The following HOOK2 variants were observed in gnomAD, a reference collection of about 807,000 sequenced individuals.
The protein encoded by HOOK2 is protein Hook homolog 2.
Under a neutral mutation model 111.9 loss-of-function variants are expected in HOOK2, and 108 were observed. That is an observed-to-expected ratio of 0.96 (90% CI 0.83 to 1.13). The LOEUF (loss-of-function observed/expected upper bound fraction) is 1.13, where lower values mean the gene tolerates loss of function less well. Among genes scored for constraint, HOOK2 ranks in the 50% most tolerant of loss-of-function variants. The pLI is 0.00. For synonymous variants in HOOK2, 405 were observed against 394.3 expected (o/e 1.03, Z -0.32); for missense variants, 978 against 951.3 (o/e 1.03, Z -0.37).
intron 18 of HOOK2, 76 bp downstream of exon 18, chr19:12,765,614 T>C: frequency 6.5e-7 from 1 of 1,538,288 alleles, no homozygotes; most frequent in South Asian, 1.1e-5. Context: ...CCAGGCATGG[T>C]GGCACATGCC....
intron 3 of HOOK2, among the ~76,000 whole-genome samples, chr19:12,789,087 C>T (rs1250841414): frequency 1.3e-5 from 2 of 152,102 alleles, no homozygotes; most frequent in East Asian, 1.9e-4. Flanking sequence ...CCCGGAATGG[C>T]TGTTTAACCC....
upstream of HOOK2, among the ~76,000 whole-genome samples, chr19:12,781,095 G>A (rs1287478724): frequency 6.7e-6 from 1 of 148,618 alleles, no homozygotes; most frequent in Non-Finnish European, 1.5e-5. Context: ...GAGTTCAGGA[G>A]ATCGAGACCA....
Position 12,764,879 on chromosome 19 carries a change from T to C in HOOK2, c.1762A>G (p.Lys588Glu). Residue 588 changes from lysine (K) to glutamate (E), a missense_variant, in exon 20 of 23, where the codon AAG (lysine) becomes GAG (glutamate). This residue lies in a region of HOOK2 where 277 missense variants were observed against 265.8 expected (regional missense o/e 1.04). Coordinates refer to ENST00000397668, the MANE Select transcript of HOOK2 (RefSeq NM_013312.3). ...ATGGCCCGCAAGTCCGCGTCCTTCT[T>C]CTGCAAGTTATGCTGCAGCTCCTCG... The part of the protein sequence containing the change: ...RIEELQHNLQ[K>E]KDADLRAMEE... The C allele has an allele frequency of 6.2e-7, 1 of 1,614,140 alleles. No individual in the cohort carries two copies. Among genetic ancestry groups the C allele is most frequent in the South Asian group, 1.1e-5 (1 of 91,082 alleles).
intron 17 of HOOK2, 43 bp downstream of exon 17, chr19:12,765,786 A>C (rs1446732209): frequency 1.2e-6 from 2 of 1,613,938 alleles, no homozygotes; most frequent in African/African-American, 2.7e-5. Flanking sequence ...CTTCCTTCCC[A>C]GGGTGAGGGT....
intron 10 of HOOK2, 97 bp from the exon 11 acceptor site, chr19:12,770,179 T>C (rs1968275852): frequency 2.7e-6 from 3 of 1,121,276 alleles, no homozygotes; most frequent in African/African-American, 3.3e-5. Context: ...TTGTTCAGCC[T>C]GAGGCTTTTG....
At chr19:12,789,989 C>T (rs1275978560) in intron 3 of HOOK2, among the ~76,000 whole-genome samples, 1 of 152,182 alleles carries the variant, frequency 6.6e-6, no homozygotes, top group Non-Finnish European at 1.5e-5. Flanking sequence ...GGCCGGCCCG[C>T]GCTCAGTCCT....
In HOOK2 at chr19:12,763,652, G is replaced by A. The variant is rs753083926; in HGVS notation, c.1938+16C>T. On this transcript the variant is annotated intron_variant, in intron 21 of 22. Transcript: ENST00000397668. ...TAGATACGTTGGAGGCAGCGTAAAGGGACGAGGACACCCACCTCCAGGTGT... is the reference window on the plus strand; with the variant it reads ...TAGATACGTTGGAGGCAGCGTAAAGAGACGAGGACACCCACCTCCAGGTGT... The A allele has an allele frequency of 6.2e-7, 1 of 1,613,918 alleles. No individual in the cohort carries two copies. The highest frequency in any genetic ancestry group is 8.5e-7 in the Non-Finnish European group (1 of 1,179,766).
At chr19:12,788,722 ACCC>A (rs1296197362) in intron 3 of HOOK2, among the ~76,000 whole-genome samples, 1 of 151,604 alleles carries the variant, frequency 6.6e-6, no homozygotes, top group African/African-American at 2.4e-5. Context: ...GCCCTGCCCA[ACCC>A]CCCAACGCTG....
At chr19:12,770,143 TG>T in intron 10 of HOOK2, 61 bp from the exon 11 acceptor site, 1 of 1,371,106 alleles carries the variant, frequency 7.3e-7, no homozygotes. Context: ...AGCTGGGATG[TG>T]GAGTGGCCCT....
Position 12,791,947 on chromosome 19 carries a change from G to A in HOOK2, n.42-17722C>T. 8 of 1,610,868 alleles carry A rather than the reference G, an allele frequency of 5.0e-6. No individual in the cohort carries two copies. Among genetic ancestry groups the A allele is most frequent in the Non-Finnish European group, 6.8e-6 (8 of 1,179,298 alleles). On this transcript the variant is annotated intron_variant and non_coding_transcript_variant, in intron 3 of 3. Coordinates refer to the HOOK2 transcript ENST00000589765. This position sits in a 1 kb window ranked among gnomAD's most constrained non-coding sequence, Gnocchi z 7.0. ...AAAGCGCCTGGGGCTCGCGGACCCGGCCCAGAGGGCGGCGGTGGCGGCAGC... is the reference window on the plus strand; with the variant it reads ...AAAGCGCCTGGGGCTCGCGGACCCGACCCAGAGGGCGGCGGTGGCGGCAGC...
rs758977122 is a variant in HOOK2, at chr19:12,792,034, A to G, written n.42-17809T>C. On this transcript the variant is annotated intron_variant and non_coding_transcript_variant, in intron 3 of 3. Coordinates refer to the HOOK2 transcript ENST00000589765. ...CTCAAGCTCGCCTCTTCGGAGCTGG[A>G]ACGCCTGATTGTCCCCAACAGCAAC... 7 of 1,611,208 alleles carry G rather than the reference A, an allele frequency of 4.3e-6. No individual in the cohort carries two copies. In the East Asian group the frequency reaches 1.3e-4, roughly 31 times the overall value.
In HOOK2 at chr19:12,785,563, C is replaced by G. The variant is rs542700861; in HGVS notation, n.42-11338G>C. ...TACATACATCTAGACCATGTGCAACCCATCCTATAGAGCTCACACACACAC... is the reference window on the plus strand; with the variant it reads ...TACATACATCTAGACCATGTGCAACGCATCCTATAGAGCTCACACACACAC... On this transcript the variant is annotated intron_variant and non_coding_transcript_variant, in intron 3 of 3. Transcript: ENST00000589765. Among the ~76,000 whole-genome samples the G allele has an allele frequency of 3.9e-5, 6 of 152,204 alleles. No homozygotes were observed. In the South Asian group the frequency reaches 1.2e-3, roughly 32 times the overall value.
At chr19:12,783,811 C>G (rs887370634) in intron 3 of HOOK2, among the ~76,000 whole-genome samples, 10 of 152,212 alleles carry the variant, frequency 6.6e-5, no homozygotes, top group Non-Finnish European at 1.5e-4. Flanking sequence ...GCCTGGGTGT[C>G]AGGGTGCCCA....
chr19:12,763,156 G>A lies in HOOK2; in HGVS notation c.*126C>T, dbSNP rs1968045381. On this transcript the variant is annotated 3_prime_UTR_variant, in exon 23 of 23. Coordinates refer to ENST00000397668, the MANE Select transcript of HOOK2 (RefSeq NM_013312.3). ...GCCCTCCCTCCCCACCAATCTGGGA[G>A]AGGGAAGAGCAGAGATCATGGCCTC... is the stretch of plus-strand genomic sequence containing the variant. The A allele has an allele frequency of 2.2e-6, 2 of 891,040 alleles. No homozygotes were observed. Among genetic ancestry groups the A allele is most frequent in the Non-Finnish European group, 3.4e-6 (2 of 581,102 alleles). 55.2% of individuals were successfully genotyped at this position (891,040 alleles called of 1,614,324 possible).
At chr19:12,785,392 G>A (rs921487709) in intron 3 of HOOK2, among the ~76,000 whole-genome samples, 1 of 149,490 alleles carries the variant, frequency 6.7e-6, no homozygotes, top group Non-Finnish European at 1.5e-5. Context: ...ATTACAGATC[G>A]TATACACACA....
At chr19:12,767,251 G>A (rs935970355) in intron 14 of HOOK2, 144 bp downstream of exon 14, 31 of 661,844 alleles carry the variant, frequency 4.7e-5, no homozygotes, top group South Asian at 2.1e-4. Context: ...CAAATCAGGA[G>A]TAAGTGGGCC....
Position 12,791,219 on chromosome 19 carries a change from C to T in HOOK2, n.42-16994G>A, listed in dbSNP as rs1304041922. Among the ~76,000 whole-genome samples the T allele has an allele frequency of 1.3e-5, 2 of 152,348 alleles. No homozygotes were observed. The highest frequency in any genetic ancestry group is 4.8e-5 in the African/African-American group (2 of 41,582). On this transcript the variant is annotated intron_variant and non_coding_transcript_variant, in intron 3 of 3. Transcript: ENST00000589765. The surrounding 1 kb of genome is among the most constrained non-coding windows in gnomAD (Gnocchi z 7.0). Reference sequence around the variant, plus strand: ...TCATCCTCCTCCCTGAAACCCCTCACTCATGTGCCTGGGCCCCCCAGCACC... The same window carrying T: ...TCATCCTCCTCCCTGAAACCCCTCATTCATGTGCCTGGGCCCCCCAGCACC...
upstream of HOOK2, among the ~76,000 whole-genome samples, chr19:12,781,829 C>T (rs1191433480): frequency 6.6e-6 from 1 of 151,726 alleles, no homozygotes; most frequent in African/African-American, 2.4e-5. Flanking sequence ...AACTGTGTCC[C>T]TCCCTGTTCC....
At chr19:12,779,901 G>A (rs558148697), upstream of HOOK2, among the ~76,000 whole-genome samples, 3 of 152,306 alleles carry the variant, frequency 2.0e-5, no homozygotes, top group South Asian at 4.1e-4. Flanking sequence ...AGTAATCCCA[G>A]CACTTTGGGA....
Sources: gnomAD v4.1 joint callset for allele counts (sites outside exome capture counted in the v4.1 genomes callset) on GRCh38, gnomAD v4.1.1 for gene constraint, gnomAD v4.1.1 regional missense constraint, Gnocchi (gnomAD v3.1) non-coding constraint, MANE v1.5 for transcripts, NCBI Gene and HGNC (gene_info 2026-07-23, HGNC 2026-07-21) for gene names.